Variants in RAP1GAP2 observed in about 807,000 individuals in gnomAD.
RAP1GAP2 encodes rap1 GTPase-activating protein 2.
A neutral mutation model predicts 95.0 loss-of-function variants in RAP1GAP2; 27 were observed. That is an observed-to-expected ratio of 0.28 (90% CI 0.21 to 0.39). The LOEUF (loss-of-function observed/expected upper bound fraction) is 0.39, where lower values mean the gene tolerates loss of function less well. RAP1GAP2 is among the 10% of genes least tolerant of loss of function. The probability of loss-of-function intolerance (pLI) is 1.00; values close to 1 mark genes in which losing one functional copy is unlikely to be tolerated. For synonymous variants in RAP1GAP2, 373 were observed against 380.9 expected (o/e 0.98, Z 0.24); for missense variants, 771 against 970.0 (o/e 0.79, Z 2.72).
At chr17:2,832,362 T>C (rs1043831259) in intron 2 of RAP1GAP2, among the ~76,000 whole-genome samples, 6 of 149,808 alleles carry the variant, frequency 4.0e-5, no homozygotes, top group African/African-American at 1.5e-4. Flanking sequence ...ATCGAGATCA[T>C]CCTGGCTAAA....
chr17:2,946,767 A>AT (rs2043710453), intron 3 of RAP1GAP2, among the ~76,000 whole-genome samples: 1 of 152,038 alleles, frequency 6.6e-6, no homozygotes, highest in Admixed American at 6.6e-5. Flanking sequence ...AACTTTTTTT[A>AT]TTTTTGAGAC....
chr17:2,977,272 A>G (rs943259213), intron 8 of RAP1GAP2, among the ~76,000 whole-genome samples: 3 of 152,232 alleles, frequency 2.0e-5, no homozygotes, highest in African/African-American at 7.2e-5. Flanking sequence ...CTTTTATATA[A>G]ACATATAAAT....
At chr17:3,028,131 C>A (rs1183153328) in intron 22 of RAP1GAP2, among the ~76,000 whole-genome samples, 1 of 150,998 alleles carries the variant, frequency 6.6e-6, no homozygotes. Flanking sequence ...TTTCTCCAAG[C>A]AGAAAATGAA....
chr17:2,935,010 G>A (rs2043260146), intron 3 of RAP1GAP2, among the ~76,000 whole-genome samples: 1 of 152,166 alleles, frequency 6.6e-6, no homozygotes, highest in Non-Finnish European at 1.5e-5. Context: ...TCAGCATCCT[G>A]TACCATCTGC....
chr17:2,994,637 G>A (rs1451002543), intron 12 of RAP1GAP2, among the ~76,000 whole-genome samples: 1 of 152,230 alleles, frequency 6.6e-6, no homozygotes, highest in African/African-American at 2.4e-5. Flanking sequence ...TCTGGGCAGA[G>A]GACTTGGACA....
In RAP1GAP2 at chr17:2,855,674, G is replaced by T. The variant is rs898620265; in HGVS notation, c.81-49610G>T. Reference sequence around the variant, plus strand: ...TTAGCCCAAGCTGGAGTACAGTGGCGCCATCTCGGCCCACTGCAACCTCCA... The same window carrying T: ...TTAGCCCAAGCTGGAGTACAGTGGCTCCATCTCGGCCCACTGCAACCTCCA... On this transcript the variant is annotated intron_variant, in intron 2 of 24. Transcript: ENST00000254695. This position sits in a 1 kb window ranked among gnomAD's most constrained non-coding sequence, Gnocchi z 4.3. Among the ~76,000 whole-genome samples the T allele has an allele frequency of 2.0e-5, 3 of 152,098 alleles. No individual in the cohort carries two copies. The highest frequency in any genetic ancestry group is 6.5e-5 in the Admixed American group (1 of 15,276).
rs76643073 is a variant in RAP1GAP2 at position 2,974,519 on chromosome 17, A to G, written c.597-5768A>G. On this transcript the variant is annotated intron_variant, in intron 8 of 24. Transcript: ENST00000254695. ...CTTCAGTCAAAAGAAAAGAAAAACC[A>G]GAAAAGATTTAATTAGAAAGTGACA... is the stretch of plus-strand genomic sequence containing the variant. Among the ~76,000 whole-genome samples, 1,231 of 152,324 alleles carry G rather than the reference A, an allele frequency of 8.1e-3. 21 individuals are homozygous for G. Among genetic ancestry groups the G allele is most frequent in the African/African-American group, 0.028 (1,180 of 41,580 alleles).
rs2047174588 is a variant in RAP1GAP2, at chr17:3,027,799, G to A, written c.2107+729G>A. On this transcript the variant is annotated intron_variant, in intron 22 of 24. Coordinates refer to ENST00000254695, the MANE Select transcript of RAP1GAP2 (RefSeq NM_015085.5). The surrounding 1 kb of genome is among the most constrained non-coding windows in gnomAD (Gnocchi z 5.2). The stretch of plus-strand genomic sequence containing the variant: ...GGGGAGGGATGGAGGGGAGGGGAGA[G>A]GAGGGGAGGGGAGCTGCGGCAGAAG... Among the ~76,000 whole-genome samples, 1 of 150,614 alleles carries A rather than the reference G, an allele frequency of 6.6e-6. No individual in the cohort carries two copies. The highest frequency in any genetic ancestry group is 1.5e-5 in the Non-Finnish European group (1 of 67,598).
chr17:2,807,516 C>T (rs375992028), intron 2 of RAP1GAP2, among the ~76,000 whole-genome samples: 7 of 152,148 alleles, frequency 4.6e-5, no homozygotes, highest in Admixed American at 3.3e-4. Flanking sequence ...TGCCATGGCA[C>T]GGGACAAGGG....
intron 2 of RAP1GAP2, among the ~76,000 whole-genome samples, chr17:2,803,289 C>T (rs2028001): frequency 0.22 from 33,706 of 151,870 alleles, 3,866 homozygotes; most frequent in South Asian, 0.36. Flanking sequence ...GCACTGTGTT[C>T]GGAGTTTTAT....
chr17:2,758,325 A>G (rs1192849764), intron 1 of RAP1GAP2, among the ~76,000 whole-genome samples: 2 of 148,604 alleles, frequency 1.3e-5, no homozygotes, highest in African/African-American at 5.0e-5. Flanking sequence ...ACAGGTGCGC[A>G]CCACCACGCC....
chr17:2,828,735 G>A (rs2070700207), intron 2 of RAP1GAP2, among the ~76,000 whole-genome samples: 1 of 152,170 alleles, frequency 6.6e-6, no homozygotes, highest in African/African-American at 2.4e-5. Context: ...ACCCTCTGGG[G>A]AGATAAGCCC....
Position 2,994,807 on chromosome 17 carries a change from GTGAT to G in RAP1GAP2, c.915-523_915-520del, listed in dbSNP as rs977151978. 3.2e-4 allele frequency among the ~76,000 whole-genome samples: 49 copies of G among 152,328 alleles called. 1 individual carries two copies. In the Middle Eastern group the frequency reaches 0.01, roughly 32 times the overall value. The stretch of plus-strand genomic sequence containing the variant: ...AGGCTTGAGATGGAGGTTCTGCTTT[GTGAT>G]TGATTGGTTGATTGATTGATTGATG... On this transcript the variant is annotated intron_variant, in intron 12 of 24. Transcript: ENST00000254695.
intron 3 of RAP1GAP2, among the ~76,000 whole-genome samples, chr17:2,954,356 G>A (rs1042805620): frequency 2.6e-5 from 4 of 151,596 alleles, no homozygotes; most frequent in African/African-American, 9.7e-5. Context: ...CGCCCGCCTC[G>A]GCCTCCCAAA....
intron 2 of RAP1GAP2, among the ~76,000 whole-genome samples, chr17:2,865,815 C>T (rs1215382138): frequency 2.6e-5 from 4 of 152,198 alleles, no homozygotes; most frequent in African/African-American, 7.2e-5. Flanking sequence ...TGACCCCCAG[C>T]CCCCTTCTAG....
intron 3 of RAP1GAP2, among the ~76,000 whole-genome samples, chr17:2,946,235 C>G (rs921817402): frequency 1.3e-5 from 2 of 152,152 alleles, no homozygotes; most frequent in African/African-American, 4.8e-5. Flanking sequence ...AGATACTGGC[C>G]TGTAGTTTTC....
In RAP1GAP2 at chr17:2,862,633, A is replaced by G. The variant is rs117230301; in HGVS notation, c.81-42651A>G. On this transcript the variant is annotated intron_variant, in intron 2 of 24. Coordinates refer to ENST00000254695, the MANE Select transcript of RAP1GAP2 (RefSeq NM_015085.5). ...GTGGACAAGTGCTTTTTATTTTAAT[A>G]GCTACTTTAAGAAATGAATCCTGGC... is the stretch of plus-strand genomic sequence containing the variant. Among the ~76,000 whole-genome samples, 170 of 152,260 alleles carry G rather than the reference A, an allele frequency of 1.1e-3. 4 individuals are homozygous for G. The East Asian group carries it at 0.026, about 23-fold the overall frequency.
In RAP1GAP2 at chr17:2,854,543, G is replaced by A. The variant is rs560376700; in HGVS notation, c.81-50741G>A. Among the ~76,000 whole-genome samples the A allele has an allele frequency of 2.6e-3, 401 of 152,390 alleles. 2 individuals are homozygous for A. The highest frequency in any genetic ancestry group is 9.0e-3 in the African/African-American group (376 of 41,598). ...GCTTGCTCTGCGCTCGGTGCCGGCAGGCGAGGAGCAAGTTTGGAGGTTGTT... is the reference window on the plus strand; with the variant it reads ...GCTTGCTCTGCGCTCGGTGCCGGCAAGCGAGGAGCAAGTTTGGAGGTTGTT... On this transcript the variant is annotated intron_variant, in intron 2 of 24. Coordinates refer to ENST00000254695, the MANE Select transcript of RAP1GAP2 (RefSeq NM_015085.5).
At chr17:3,026,230 C>A in intron 20 of RAP1GAP2, 109 bp downstream of exon 20, 1 of 1,313,238 alleles carries the variant, frequency 7.6e-7, no homozygotes, top group Non-Finnish European at 1.1e-6. Flanking sequence ...CTGGAACTCT[C>A]CAGAACACAA....
Sources: gnomAD v4.1 joint callset for allele counts (sites outside exome capture counted in the v4.1 genomes callset) on GRCh38, gnomAD v4.1.1 for gene constraint, Gnocchi (gnomAD v3.1) non-coding constraint, MANE v1.5 for transcripts, NCBI Gene and HGNC (gene_info 2026-07-23, HGNC 2026-07-21) for gene names.